CSMD1: variants seen among roughly 807,000 people sequenced by gnomAD.
CSMD1 encodes CUB and sushi domain-containing protein 1.
Under a neutral mutation model 417.5 loss-of-function variants are expected in CSMD1, and 213 were observed. The observed-to-expected ratio is 0.51, with a 90% confidence interval of 0.46 to 0.57. The LOEUF is 0.57. Among genes scored for constraint, CSMD1 ranks in the 20% least tolerant of loss-of-function variants. The pLI, the probability that CSMD1 is intolerant of heterozygous loss-of-function variation, is 0.00. For synonymous variants in CSMD1, 2,862 were observed against 1,736.8 expected (o/e 1.65, Z -16.11); for missense variants, 6,923 against 4,529.7 (o/e 1.53, Z -15.17).
At chr8:4,112,025 G>A (rs780548886) in intron 3 of CSMD1, among the ~76,000 whole-genome samples, 2 of 151,474 alleles carry the variant, frequency 1.3e-5, no homozygotes, top group South Asian at 2.1e-4. Flanking sequence ...GACATGAAAT[G>A]TATAAAAATC....
chr8:4,362,344 G>A (rs1801817311), intron 3 of CSMD1, among the ~76,000 whole-genome samples: 1 of 152,154 alleles, frequency 6.6e-6, no homozygotes, highest in African/African-American at 2.4e-5. Flanking sequence ...GAGACCCCAA[G>A]CTCATCTGTC....
At chr8:3,988,129 A>G (rs755883094) in intron 5 of CSMD1, among the ~76,000 whole-genome samples, 2 of 152,170 alleles carry the variant, frequency 1.3e-5, no homozygotes, top group Non-Finnish European at 1.5e-5. Context: ...CCTCTTATTC[A>G]TAGTCATCTG....
chr8:3,378,189 G>A (rs1031843432), intron 18 of CSMD1, among the ~76,000 whole-genome samples: 1 of 152,024 alleles, frequency 6.6e-6, no homozygotes, highest in African/African-American at 2.4e-5. Context: ...AATAGTCTTG[G>A]CTAAACCAGG....
At chr8:3,154,111 C>G (rs1003943873) in intron 39 of CSMD1, among the ~76,000 whole-genome samples, 1 of 152,124 alleles carries the variant, frequency 6.6e-6, no homozygotes, top group South Asian at 2.1e-4. Flanking sequence ...GGATTACAGG[C>G]GCCCACAACT....
Position 3,593,647 on chromosome 8 carries a change from C to A in CSMD1, c.1098-7387G>T, listed in dbSNP as rs1470642875. The stretch of plus-strand genomic sequence containing the variant: ...AACAGATAAAGTTTTCTGACTCAGA[C>A]AAAATGAGGATCCCACAAAAGAAAT... On this transcript the variant is annotated intron_variant, in intron 8 of 69. Coordinates refer to ENST00000635120, the MANE Select transcript of CSMD1 (RefSeq NM_033225.6). 9.9e-5 allele frequency among the ~76,000 whole-genome samples: 15 copies of A among 152,172 alleles called. 1 individual carries two copies.
At chr8:3,329,773 T>C (rs1010640282) in intron 23 of CSMD1, among the ~76,000 whole-genome samples, 5 of 152,184 alleles carry the variant, frequency 3.3e-5, no homozygotes, top group African/African-American at 7.2e-5. Context: ...TGCAGGGTGA[T>C]GCATTGTGAG....
chr8:4,309,071 T>C (rs1341370250), intron 3 of CSMD1, among the ~76,000 whole-genome samples: 1 of 152,160 alleles, frequency 6.6e-6, no homozygotes, highest in African/African-American at 2.4e-5. Context: ...TATTATTTTT[T>C]ATGTTAGGTT....
intron 40 of CSMD1, among the ~76,000 whole-genome samples, chr8:3,146,064 C>A (rs1380767): frequency 5.3e-5 from 8 of 151,994 alleles, no homozygotes; most frequent in Non-Finnish European, 1.0e-4. Context: ...GTGTTAATAC[C>A]TATGGAATTT....
At chr8:3,889,694 G>A (rs1228993253) in intron 5 of CSMD1, among the ~76,000 whole-genome samples, 1 of 151,014 alleles carries the variant, frequency 6.6e-6, no homozygotes, top group East Asian at 1.9e-4. Flanking sequence ...AACTCAACCT[G>A]GACTTCCTAT....
chr8:4,417,108 A>C (rs759194560), intron 3 of CSMD1, among the ~76,000 whole-genome samples: 3 of 152,090 alleles, frequency 2.0e-5, no homozygotes, highest in African/African-American at 7.2e-5. Flanking sequence ...AAAATGTGTT[A>C]ATTTGAATAT....
intron 12 of CSMD1, among the ~76,000 whole-genome samples, chr8:3,414,581 T>C (rs1411664840): frequency 6.6e-6 from 1 of 152,140 alleles, no homozygotes; most frequent in Admixed American, 6.5e-5. Context: ...CAAACTCCAG[T>C]GCTAAGGATA....
chr8:3,665,670 C>A (rs1334425901), intron 7 of CSMD1, among the ~76,000 whole-genome samples: 1 of 152,124 alleles, frequency 6.6e-6, no homozygotes. Flanking sequence ...ATGGGACAAA[C>A]AGAAAGATAA....
chr8:3,815,966 T>A (rs1462921433), intron 5 of CSMD1, among the ~76,000 whole-genome samples: 2 of 152,162 alleles, frequency 1.3e-5, no homozygotes, highest in Non-Finnish European at 2.9e-5. Context: ...ATTCCTCCAA[T>A]AGGTTTACTT....
At chr8:4,555,607 A>G (rs574382759) in intron 2 of CSMD1, among the ~76,000 whole-genome samples, 20 of 152,268 alleles carry the variant, frequency 1.3e-4, no homozygotes, top group African/African-American at 4.6e-4. Flanking sequence ...AGCAGCTTAT[A>G]TCTCTATGGA....
chr8:3,067,397 C>A lies in CSMD1; in HGVS notation c.7475-14750G>T, dbSNP rs547317268. ...TAGTCCACTGTAGCTTCCTTGCAGG[C>A]TCATGCTTCTTTCAAGTTGGAGGAG... On this transcript the variant is annotated intron_variant, in intron 49 of 69. Transcript: ENST00000635120. Among the ~76,000 whole-genome samples the A allele has an allele frequency of 7.2e-5, 11 of 152,242 alleles. No individual in the cohort carries two copies. In the South Asian group the frequency reaches 2.1e-3, roughly 29 times the overall value.
intron 5 of CSMD1, among the ~76,000 whole-genome samples, chr8:3,789,879 C>T (rs1306444584): frequency 2.0e-5 from 3 of 151,926 alleles, no homozygotes; most frequent in African/African-American, 7.2e-5. Flanking sequence ...CTACAGCTGC[C>T]CACCACCACG....
At chr8:3,162,646 T>G (rs1211382044) in intron 37 of CSMD1, among the ~76,000 whole-genome samples, 1 of 152,080 alleles carries the variant, frequency 6.6e-6, no homozygotes, top group Non-Finnish European at 1.5e-5. Context: ...CTCTTACTTT[T>G]GTTTTTCAAG....
At position 3,839,599 on chromosome 8, in the gene CSMD1, T is replaced by C. The variant is rs1367520149; in HGVS notation, c.819-85557A>G. ...ATTTATTATATATATTAATATGATA[T>C]ATATAGTTGCCCACTGCACTCCAGC... On this transcript the variant is annotated intron_variant, in intron 5 of 69. Coordinates refer to ENST00000635120, the MANE Select transcript of CSMD1 (RefSeq NM_033225.6). Among the ~76,000 whole-genome samples the C allele has an allele frequency of 2.2e-5, 3 of 136,750 alleles. No homozygotes were observed. The Admixed American group carries it at 2.5e-4, about 11-fold the overall frequency. 89.7% of individuals were successfully genotyped at this position (136,750 alleles called of 152,430 possible).
intron 1 of CSMD1, among the ~76,000 whole-genome samples, chr8:4,842,429 G>C (rs933719698): frequency 6.6e-6 from 1 of 152,144 alleles, no homozygotes; most frequent in African/African-American, 2.4e-5. Flanking sequence ...CCCAATTATA[G>C]TTATTATGCT....
Sources: gnomAD v4.1 joint callset for allele counts (sites outside exome capture counted in the v4.1 genomes callset) on GRCh38, gnomAD v4.1.1 for gene constraint, MANE v1.5 for transcripts, NCBI Gene and HGNC (gene_info 2026-07-23, HGNC 2026-07-21) for gene names.